HS6ST2: variants seen among roughly 807,000 people sequenced by gnomAD.
The protein encoded by HS6ST2 is heparan sulfate 6-O-sulfotransferase 2.
A neutral mutation model predicts 33.0 loss-of-function variants in HS6ST2; 17 were observed. That is an observed-to-expected ratio of 0.52 (90% CI 0.35 to 0.77). The LOEUF (loss-of-function observed/expected upper bound fraction) is 0.77, where lower values mean the gene tolerates loss of function less well. Among genes scored for constraint, HS6ST2 ranks in the 30% least tolerant of loss-of-function variants. HS6ST2 has a pLI of 0.01. For missense variants in HS6ST2, 519 were observed against 551.7 expected, an observed-to-expected ratio of 0.94 and a Z score of 0.59; for synonymous variants, 248 against 237.1, an observed-to-expected ratio of 1.05 and a Z score of -0.42.
chrX:132,637,031 C>A (rs1363576683), intron 4 of HS6ST2, among the ~76,000 whole-genome samples: 1 of 112,502 alleles, frequency 8.9e-6, no homozygotes, highest in African/African-American at 3.2e-5. Flanking sequence ...CCAGGTCTCT[C>A]TCACTCTAGA....
chrX:132,888,045 G>C (rs764833656), intron 2 of HS6ST2, among the ~76,000 whole-genome samples: 1 of 111,865 alleles, frequency 8.9e-6, no homozygotes, highest in Non-Finnish European at 1.9e-5. Context: ...AGGCACATTG[G>C]AATTTTGTGG....
At chrX:132,755,064 G>C (rs2064746136) in intron 2 of HS6ST2, among the ~76,000 whole-genome samples, 1 of 111,470 alleles carries the variant, frequency 9.0e-6, no homozygotes, top group African/African-American at 3.3e-5. Context: ...TACTTAAGGA[G>C]TGAGGAGTTA....
chrX:132,669,670 A>C (rs1463725061), intron 3 of HS6ST2: 1 of 112,458 alleles, frequency 8.9e-6, no homozygotes, highest in Non-Finnish European at 1.9e-5. Context: ...CTATCAGATG[A>C]ATTAATAATT....
intron 3 of HS6ST2, among the ~76,000 whole-genome samples, chrX:132,679,617 C>T (rs1280388433): frequency 9.0e-6 from 1 of 110,542 alleles, no homozygotes; most frequent in African/African-American, 3.3e-5. Flanking sequence ...TATCAGGAGA[C>T]AGGGTTTTGA....
chrX:132,789,630 G>A (rs747290691), intron 2 of HS6ST2, among the ~76,000 whole-genome samples: 5 of 112,414 alleles, frequency 4.4e-5, no homozygotes, highest in Admixed American at 9.4e-5. Flanking sequence ...GATGGATCTG[G>A]GAAAAGTAAA....
rs184028718 is a variant in HS6ST2 at position 132,861,584 on chromosome X, T to C, written c.947+95224A>G. 4.5e-3 allele frequency among the ~76,000 whole-genome samples: 511 copies of C among 112,749 alleles called. 2 individuals are homozygous for C. Among genetic ancestry groups the C allele is most frequent in the African/African-American group, 0.016 (487 of 31,116 alleles). ...CCTTATCTTCAACACAAAGAATTACTATTTTCTTAAATGTTTGCTAATTCA... is the reference window on the plus strand; with the variant it reads ...CCTTATCTTCAACACAAAGAATTACCATTTTCTTAAATGTTTGCTAATTCA... On this transcript the variant is annotated intron_variant, in intron 2 of 4. Coordinates refer to ENST00000370833, the MANE Select transcript of HS6ST2 (RefSeq NM_001394073.1).
chrX:132,699,893 G>A (rs1425396517), intron 3 of HS6ST2, among the ~76,000 whole-genome samples: 1 of 112,082 alleles, frequency 8.9e-6, no homozygotes, highest in African/African-American at 3.2e-5. Context: ...ATGAAAAAAC[G>A]GGAGAAAGAC....
At chrX:132,650,099 T>C (rs1286581820) in intron 4 of HS6ST2, among the ~76,000 whole-genome samples, 4 of 111,581 alleles carry the variant, frequency 3.6e-5, no homozygotes, top group African/African-American at 1.3e-4. Context: ...TTCCAAGATG[T>C]CTGCAGCCTT....
At chrX:132,929,072 A>C (rs1372461623) in intron 2 of HS6ST2, among the ~76,000 whole-genome samples, 1 of 111,026 alleles carries the variant, frequency 9.0e-6, no homozygotes, top group Admixed American at 9.6e-5. Flanking sequence ...TTTGATAAAA[A>C]TATATGGACT....
At chrX:132,883,445 T>A (rs1463305383) in intron 2 of HS6ST2, among the ~76,000 whole-genome samples, 1 of 111,290 alleles carries the variant, frequency 9.0e-6, no homozygotes, top group African/African-American at 3.3e-5. Context: ...CTGATGGTAG[T>A]TTGTATTTCT....
chrX:132,843,161 C>T (rs1398005589), intron 2 of HS6ST2, among the ~76,000 whole-genome samples: 2 of 111,813 alleles, frequency 1.8e-5, no homozygotes, highest in Non-Finnish European at 3.8e-5. Flanking sequence ...GTATTATATC[C>T]GTTAAAAGTT....
intron 2 of HS6ST2, among the ~76,000 whole-genome samples, chrX:132,771,484 G>C (rs1008396820): frequency 8.9e-6 from 1 of 111,829 alleles, no homozygotes. Flanking sequence ...TTTCAGATGA[G>C]ATGTTATTTT....
chrX:132,740,423 C>T (rs1411047578), intron 2 of HS6ST2, among the ~76,000 whole-genome samples: 1 of 111,549 alleles, frequency 9.0e-6, no homozygotes, highest in East Asian at 2.8e-4. Context: ...AGCTGAACCC[C>T]ATCAGTTCCT....
intron 2 of HS6ST2, among the ~76,000 whole-genome samples, chrX:132,825,213 T>C (rs1434941723): frequency 9.0e-6 from 1 of 111,214 alleles, no homozygotes; most frequent in Non-Finnish European, 1.9e-5. Context: ...GTCTCTGAGA[T>C]CCCAGTATTC....
chrX:132,930,070 C>A (rs1391901326), intron 2 of HS6ST2, among the ~76,000 whole-genome samples: 1 of 111,815 alleles, frequency 8.9e-6, no homozygotes, highest in Non-Finnish European at 1.9e-5. Flanking sequence ...GTGGGCAGAA[C>A]CAATAAAAGA....
At chrX:132,779,738 G>A (rs2148330472) in intron 2 of HS6ST2, among the ~76,000 whole-genome samples, 1 of 108,884 alleles carries the variant, frequency 9.2e-6, no homozygotes, top group South Asian at 3.9e-4. Context: ...TTTACCATGT[G>A]CCTGGTCTGT....
intron 2 of HS6ST2, among the ~76,000 whole-genome samples, chrX:132,760,714 C>T (rs184948004): frequency 1.8e-5 from 2 of 110,563 alleles, no homozygotes; most frequent in East Asian, 2.8e-4. Flanking sequence ...ATGAGCACTT[C>T]GAGTTCAGTG....
At chrX:132,658,460 G>C (rs1384264794) in intron 4 of HS6ST2, among the ~76,000 whole-genome samples, 1 of 109,521 alleles carries the variant, frequency 9.1e-6, no homozygotes, top group African/African-American at 3.3e-5. Context: ...CTGTAAAGTT[G>C]TAAAATATGG....
intron 4 of HS6ST2, among the ~76,000 whole-genome samples, chrX:132,637,850 A>G (rs6634905): frequency 2.4e-5 from 1 of 41,423 alleles, no homozygotes; most frequent in Non-Finnish European, 3.2e-5. Flanking sequence ...TTTTATATAT[A>G]ATATATATAT....
Sources: gnomAD v4.1 joint callset for allele counts (sites outside exome capture counted in the v4.1 genomes callset) on GRCh38, gnomAD v4.1.1 for gene constraint, MANE v1.5 for transcripts, NCBI Gene and HGNC (gene_info 2026-07-23, HGNC 2026-07-21) for gene names.